ACTN2: variants seen among roughly 807,000 people sequenced by gnomAD.
The protein encoded by ACTN2 is actinin alpha 2, also known as alpha-actinin-2.
ACTN2 carries 39 observed loss-of-function variants against 113.8 expected under a neutral mutation model. The observed-to-expected ratio is 0.34, with a 90% CI of 0.27 to 0.45. ACTN2 has a LOEUF of 0.45. ACTN2 is among the 20% of genes least tolerant of loss of function. The pLI is 1.00. For synonymous variants in ACTN2, 429 were observed against 444.1 expected (o/e 0.97, Z 0.43); for missense variants, 992 against 1,177.9 (o/e 0.84, Z 2.31).
intron 12 of ACTN2, 47 bp downstream of exon 12, chr1:236,744,823 CAG>C (rs936286546): frequency 2.5e-6 from 4 of 1,612,882 alleles, no homozygotes; most frequent in Non-Finnish European, 3.4e-6. Context: ...TGGGATTCCA[CAG>C]AGAGGGGAGA....
intron 6 of ACTN2, among the ~76,000 whole-genome samples, chr1:236,729,944 T>TA (rs1249481111): frequency 6.6e-6 from 1 of 152,216 alleles, no homozygotes; most frequent in Non-Finnish European, 1.5e-5. Flanking sequence ...AAGTAATACT[T>TA]ATATAGCACC....
chr1:236,761,119 C>T lies in ACTN2; in HGVS notation c.2472C>T (p.Asp824=), dbSNP rs1275321868. Reference sequence around the variant, plus strand: ...ACTTCATGACTAGAGAGACGGCTGACACCGACACTGCCGAGCAGGTCATCG... The same window carrying T: ...ACTTCATGACTAGAGAGACGGCTGATACCGACACTGCCGAGCAGGTCATCG... ...FIDFMTRETA[D]TDTAEQVIAS... Residue 824 remains aspartate (D), a synonymous_variant, in exon 20 of 21, where the codon GAC becomes GAT. Transcript: ENST00000366578. The T allele has an allele frequency of 4.3e-6, 7 of 1,614,186 alleles. No homozygotes were observed. The highest frequency in any genetic ancestry group is 5.9e-6 in the Non-Finnish European group (7 of 1,180,034).
chr1:236,757,452 C>A (rs759721743), intron 17 of ACTN2, 34 bp from the exon 18 acceptor site: 19 of 1,613,884 alleles, frequency 1.2e-5, no homozygotes, highest in Non-Finnish European at 1.5e-5. Context: ...GCTGGAGAGA[C>A]TTAGAACTGA....
chr1:236,741,804 T>C (rs890759496), intron 10 of ACTN2, among the ~76,000 whole-genome samples: 1 of 152,148 alleles, frequency 6.6e-6, no homozygotes, highest in Non-Finnish European at 1.5e-5. Context: ...CTTTTAAAAA[T>C]GTGAATCAGA....
In ACTN2 at chr1:236,740,983, G is replaced by A. The variant is rs187909107; in HGVS notation, c.1107+1451G>A. The stretch of plus-strand genomic sequence containing the variant: ...GATGTTGGTGATTCTCAGGCTTGGT[G>A]CTGAGCCCTCTTCATCTTTATACCC... On this transcript the variant is annotated intron_variant, in intron 10 of 20. Transcript: ENST00000366578. Among the ~76,000 whole-genome samples the A allele has an allele frequency of 1.9e-3, 293 of 152,232 alleles. 1 individual carries two copies. Among genetic ancestry groups the A allele is most frequent in the Non-Finnish European group, 2.8e-3 (189 of 68,016 alleles).
At chr1:236,715,303 C>T (rs1156730982) in intron 1 of ACTN2, among the ~76,000 whole-genome samples, 1 of 93,976 alleles carries the variant, frequency 1.1e-5, no homozygotes, top group South Asian at 4.4e-4. Context: ...CCTATCCCTC[C>T]CCCCTCCCCC....
intron 1 of ACTN2, among the ~76,000 whole-genome samples, 171 bp downstream of exon 1, chr1:236,686,970 G>T (rs949296338): frequency 2.6e-5 from 4 of 152,136 alleles, no homozygotes; most frequent in East Asian, 1.9e-4. Context: ...GGACACGTCC[G>T]GGGACAGGCA....
chr1:236,686,727 G>A lies in ACTN2; in HGVS notation c.54G>A (p.Glu18=). ...ACAACTACGTGTACGACGAGGATGA[G>A]TACATGATCCAGGAGGAGGAGTGGG... ...VQYNYVYDED[E]YMIQEEEWDR... Residue 18 remains glutamate, a synonymous_variant, in exon 1 of 21, where the codon GAG becomes GAA. Transcript: ENST00000366578. 6.4e-7 allele frequency: 1 copy of A among 1,564,188 alleles called. No homozygotes were observed. The highest frequency in any genetic ancestry group is 1.8e-5 in the Admixed American group (1 of 55,042).
intron 15 of ACTN2, among the ~76,000 whole-genome samples, chr1:236,752,333 AAGTT>A (rs1198274627): frequency 5.3e-5 from 8 of 152,124 alleles, no homozygotes; most frequent in Non-Finnish European, 1.2e-4. Flanking sequence ...CACGTGCTGC[AAGTT>A]AGTTATAAAC....
rs57993991 is a variant in ACTN2 at position 236,738,226 on chromosome 1, C to T, written c.876+1012C>T. 7.0e-3 allele frequency among the ~76,000 whole-genome samples: 1,063 copies of T among 152,356 alleles called. 13 individuals are homozygous for T. Among genetic ancestry groups the T allele is most frequent in the African/African-American group, 0.023 (939 of 41,586 alleles). On this transcript the variant is annotated intron_variant, in intron 9 of 20. Transcript: ENST00000366578. Reference sequence around the variant, plus strand: ...GTTTCACCGTGGTAGCCTGGCTGGCCTTGAACTCCTGACCTCAGGTGATCC... The same window carrying T: ...GTTTCACCGTGGTAGCCTGGCTGGCTTTGAACTCCTGACCTCAGGTGATCC...
rs1315073199 is a variant in ACTN2, at chr1:236,759,596, AG to A, written c.2302-127del. On this transcript the variant is annotated intron_variant, in intron 18 of 20. Transcript: ENST00000366578. ...GCTGGCTCCATCCTTCTCGCAAGTC[AG>A]TGGTGACATTTACGACCTTGGCAGA... The A allele has an allele frequency of 6.5e-6, 5 of 770,966 alleles. No homozygotes were observed. In the African/African-American group the frequency reaches 8.6e-5, roughly 13 times the overall value. 47.8% of individuals were successfully genotyped at this position (770,966 alleles called of 1,614,324 possible). A position where few individuals can be genotyped will look rare whatever the true frequency, so the allele number is the denominator to read the frequency against.
chr1:236,744,822 A>C, intron 12 of ACTN2, 46 bp downstream of exon 12: 1 of 1,613,228 alleles, frequency 6.2e-7, no homozygotes, highest in Non-Finnish European at 8.5e-7. Context: ...CTGGGATTCC[A>C]CAGAGAGGGG....
rs757093847 is a variant in ACTN2, at chr1:236,700,012, C to T, written c.126+13213C>T. On this transcript the variant is annotated intron_variant, in intron 1 of 20. Coordinates refer to ENST00000366578, the MANE Select transcript of ACTN2 (RefSeq NM_001103.4). ...CTTTCCCAAGGCCCCCTACTTCCCA[C>T]AGCTGCCTCTGGCCACCTAGGTCTG... 4.5e-4 allele frequency among the ~76,000 whole-genome samples: 68 copies of T among 152,272 alleles called. 1 individual carries two copies. Among genetic ancestry groups the T allele is most frequent in the Middle Eastern group, 3.4e-3 (1 of 294 alleles).
chr1:236,737,074 C>T (rs200837685), intron 8 of ACTN2, 48 bp from the exon 9 acceptor site: 35 of 1,483,504 alleles, frequency 2.4e-5, no homozygotes, highest in East Asian at 7.0e-5. Context: ...GCTGTGTGTG[C>T]GCATTCCCGT....
In ACTN2 at chr1:236,754,307, A is replaced by AG. The variant is rs997638738; in HGVS notation, c.1974+232dup. On this transcript the variant is annotated intron_variant, in intron 16 of 20. Coordinates refer to ENST00000366578, the MANE Select transcript of ACTN2 (RefSeq NM_001103.4). The surrounding 1 kb of genome is among the most constrained non-coding windows in gnomAD (Gnocchi z 4.9). Reference sequence around the variant, plus strand: ...AGGAAGGCGGCACTCAAGGAAGGGGAGGGGGGTCTTGCTGGGTTCTGTTTA... The same window carrying AG: ...AGGAAGGCGGCACTCAAGGAAGGGGAGGGGGGGTCTTGCTGGGTTCTGTTTA... Among the ~76,000 whole-genome samples, 13 of 152,116 alleles carry AG rather than the reference A, an allele frequency of 8.5e-5. No homozygotes were observed. The highest frequency in any genetic ancestry group is 2.7e-4 in the African/African-American group (11 of 41,430).
Position 236,686,570 on chromosome 1 carries a change from C to G in ACTN2, c.-104C>G. The G allele has an allele frequency of 7.7e-7, 1 of 1,304,068 alleles. No homozygotes were observed. Among genetic ancestry groups the G allele is most frequent in the South Asian group, 2.0e-5 (1 of 50,048 alleles). 80.8% of individuals were successfully genotyped at this position (1,304,068 alleles called of 1,614,324 possible). A position where few individuals can be genotyped will look rare whatever the true frequency, so the allele number is the denominator to read the frequency against. ...GAGAGGAGCCGCGCGAAGGTCACCC[C>G]GCGCCCGCCGCCCGCCGCCCGCCGC... On this transcript the variant is annotated 5_prime_UTR_variant, in exon 1 of 21. Coordinates refer to ENST00000366578, the MANE Select transcript of ACTN2 (RefSeq NM_001103.4).
At chr1:236,711,512 C>A (rs1658024520) in intron 1 of ACTN2, among the ~76,000 whole-genome samples, 1 of 152,118 alleles carries the variant, frequency 6.6e-6, no homozygotes, top group African/African-American at 2.4e-5. Context: ...CCACGCCAGG[C>A]TAAGTTTTTA....
chr1:236,728,269 G>A (rs188934835), intron 6 of ACTN2, among the ~76,000 whole-genome samples: 4 of 150,698 alleles, frequency 2.7e-5, no homozygotes, highest in African/African-American at 7.3e-5. Context: ...TCAGCCTCCC[G>A]AGTAACTGGG....
At chr1:236,726,149 G>T in intron 5 of ACTN2, 129 bp downstream of exon 5, 2 of 829,528 alleles carry the variant, frequency 2.4e-6, no homozygotes. Context: ...GAGAACTCAG[G>T]CTGTAGAATT....
Sources: gnomAD v4.1 joint callset for allele counts (sites outside exome capture counted in the v4.1 genomes callset) on GRCh38, gnomAD v4.1.1 for gene constraint, Gnocchi (gnomAD v3.1) non-coding constraint, MANE v1.5 for transcripts, NCBI Gene and HGNC (gene_info 2026-07-23, HGNC 2026-07-21) for gene names.